HEBP1: variants seen among roughly 807,000 people sequenced by gnomAD.
HEBP1 encodes the protein heme-binding protein 1.
A neutral mutation model predicts 20.4 loss-of-function variants in HEBP1; 13 were observed. The ratio of observed to expected loss-of-function variants is 0.64; its 90% CI spans 0.42 to 1.01. The LOEUF is 1.01. HEBP1 is among the 50% of genes least tolerant of loss of function. HEBP1 has a pLI of 0.00. For synonymous variants in HEBP1, 92 were observed against 90.7 expected (o/e 1.01, Z -0.08); for missense variants, 241 against 247.3 (o/e 0.97, Z 0.17).
In HEBP1 at chr12:12,989,322, C is replaced by T; in HGVS notation, c.172G>A (p.Ala58Thr). Residue 58 changes from alanine (A) to threonine (T), a missense_variant, in exon 2 of 4, where the codon GCA becomes ACA. Transcript: ENST00000014930. ...DKPVDEALRE[A>T]MPKVAKYAGG... ...GCATACTTTGCGACCTTGGGCATTG[C>T]TTCCCGTAGAGCCTCATCCACAGGC... 6.2e-7 allele frequency: 1 copy of T among 1,614,218 alleles called. No individual in the cohort carries two copies.
Position 12,986,414 on chromosome 12 carries a change from G to C in HEBP1, c.398+738C>G, listed in dbSNP as rs1435755068. On this transcript the variant is annotated intron_variant, in intron 3 of 3. Transcript: ENST00000014930. The surrounding 1 kb of genome is among the most constrained non-coding windows in gnomAD (Gnocchi z 4.3). ...GTGAATTTTTCATGAGGTTGCTCCTGAGCGGAGCCAAACCACCTATGATTA... is the reference window on the plus strand; with the variant it reads ...GTGAATTTTTCATGAGGTTGCTCCTCAGCGGAGCCAAACCACCTATGATTA... 1 of 152,248 alleles carries C rather than the reference G, an allele frequency of 6.6e-6. No individual in the cohort carries two copies. Among genetic ancestry groups the C allele is most frequent in the Non-Finnish European group, 1.5e-5 (1 of 68,060 alleles). The allele number at this position is 152,248 out of a possible 1,614,324, so 9.4% of individuals were successfully genotyped here. A position where few individuals can be genotyped will look rare whatever the true frequency, so the allele number is the denominator to read the frequency against.
intron 1 of HEBP1, among the ~76,000 whole-genome samples, chr12:12,990,851 T>C (rs1310160229): frequency 2.0e-5 from 3 of 152,280 alleles, no homozygotes; most frequent in South Asian, 2.1e-4. Flanking sequence ...TTCCAGACCC[T>C]GTACTCGATG....
At chr12:12,975,534 GGGGATCTTTAGAA>G (rs1393992637) in intron 3 of HEBP1, 55 bp from the exon 4 acceptor site, 1 of 1,491,852 alleles carries the variant, frequency 6.7e-7, no homozygotes, top group Non-Finnish European at 9.1e-7. Context: ...CTGAGAGAGG[GGGGATCTTTAGAA>G]AAAAGTCACT....
At chr12:12,975,584 TA>T in intron 3 of HEBP1, 105 bp from the exon 4 acceptor site, 1 of 984,370 alleles carries the variant, frequency 1.0e-6, no homozygotes, top group Non-Finnish European at 1.5e-6. Flanking sequence ...ACAAGCATGC[TA>T]GAGTGGTAAG....
rs1864189050 is a variant in HEBP1, at chr12:12,989,301, A to G, written c.193T>C (p.Tyr65His). 1 of 1,614,088 alleles carries G rather than the reference A, an allele frequency of 6.2e-7. No individual in the cohort carries two copies. Among genetic ancestry groups the G allele is most frequent in the East Asian group, 2.2e-5 (1 of 44,876 alleles). The change falls in exon 2 of 4, where the codon TAT becomes CAT. Residue 65 changes from tyrosine (Y) to histidine (H), a missense_variant. Tyr to His is a moderately conservative substitution (Grantham distance 83). Coordinates refer to ENST00000014930, the MANE Select transcript of HEBP1 (RefSeq NM_015987.5). ...LREAMPKVAK[Y>H]AGGTNDKGIG... Reference sequence around the variant, plus strand: ...CCCTTGTCATTGGTGCCCCCCGCATACTTTGCGACCTTGGGCATTGCTTCC... The same window carrying G: ...CCCTTGTCATTGGTGCCCCCCGCATGCTTTGCGACCTTGGGCATTGCTTCC...
At chr12:12,999,855 C>A (rs988642903) in intron 1 of HEBP1, among the ~76,000 whole-genome samples, 182 bp downstream of exon 1, 2 of 152,246 alleles carry the variant, frequency 1.3e-5, no homozygotes, top group African/African-American at 4.8e-5. Flanking sequence ...GGGGACCTCT[C>A]ACTCCTTTCC....
intron 3 of HEBP1, among the ~76,000 whole-genome samples, chr12:12,976,629 G>A (rs1863992354): frequency 6.6e-6 from 1 of 152,236 alleles, no homozygotes. Flanking sequence ...CATGTGGATT[G>A]CAGCATCACT....
At chr12:12,983,840 G>A in intron 3 of HEBP1, 1 of 452,924 alleles carries the variant, frequency 2.2e-6, no homozygotes, top group Non-Finnish European at 4.4e-6. Context: ...TTAGAGAAAT[G>A]GCTAATTCTA....
rs926606349 is a variant in HEBP1 at position 13,000,178 on chromosome 12, C to A, written c.-64G>T. ...AGGTGGCGGGGGCGACGGAGCACCA[C>A]GGGCAGCGACCACCGGCGGCAGGGC... On this transcript the variant is annotated 5_prime_UTR_variant, in exon 1 of 4. Coordinates refer to ENST00000014930, the MANE Select transcript of HEBP1 (RefSeq NM_015987.5). 8.8e-5 allele frequency: 80 copies of A among 913,806 alleles called. No individual in the cohort carries two copies. Among genetic ancestry groups the A allele is most frequent in the Non-Finnish European group, 1.2e-4 (76 of 621,368 alleles). 56.6% of individuals were successfully genotyped at this position (913,806 alleles called of 1,614,324 possible). A position where few individuals can be genotyped will look rare whatever the true frequency, so the allele number is the denominator to read the frequency against.
At chr12:12,987,024 T>C in intron 3 of HEBP1, 128 bp downstream of exon 3, 1 of 738,338 alleles carries the variant, frequency 1.4e-6, no homozygotes, top group South Asian at 1.8e-5. Flanking sequence ...CTGTTAGGAT[T>C]CAGCATTTCC....
intron 3 of HEBP1, among the ~76,000 whole-genome samples, chr12:12,982,651 C>T (rs570265540): frequency 1.3e-5 from 2 of 152,258 alleles, no homozygotes; most frequent in East Asian, 1.9e-4. Context: ...ACAATGAAAC[C>T]GGCCTTTGCA....
chr12:12,985,788 A>T (rs1864144919), intron 3 of HEBP1: 1 of 152,218 alleles, frequency 6.6e-6, no homozygotes, highest in South Asian at 2.1e-4. Context: ...TTATATTATC[A>T]GCACTTAACA....
At chr12:12,987,698 G>A (rs976883655) in intron 2 of HEBP1, among the ~76,000 whole-genome samples, 8 of 148,862 alleles carry the variant, frequency 5.4e-5, no homozygotes, top group South Asian at 2.1e-4. Flanking sequence ...GCATGATCTC[G>A]GCTTACTGTA....
intron 1 of HEBP1, among the ~76,000 whole-genome samples, chr12:12,991,807 A>G (rs1014697200): frequency 2.0e-5 from 3 of 151,808 alleles, no homozygotes; most frequent in East Asian, 3.9e-4. Flanking sequence ...CTTCTCTTCT[A>G]CTCTACTGGA....
chr12:12,987,612 T>TCTCTTTCTC (rs1230851526), intron 2 of HEBP1, among the ~76,000 whole-genome samples: 1,995 of 117,732 alleles, frequency 0.017, 25 homozygotes, highest in African/African-American at 0.033. Context: ...CTCTCTCTCT[T>TCTCTTTCTC]TCTCTCTCTC....
chr12:12,992,578 G>A (rs556970749), intron 1 of HEBP1, among the ~76,000 whole-genome samples: 3 of 152,238 alleles, frequency 2.0e-5, no homozygotes, highest in East Asian at 1.9e-4. Flanking sequence ...AGGAAATTGC[G>A]CCAGACCAGG....
Position 12,998,003 on chromosome 12 carries a change from G to A in HEBP1, c.78+2034C>T, listed in dbSNP as rs867388407. 1.3e-5 allele frequency among the ~76,000 whole-genome samples: 2 copies of A among 152,216 alleles called. No homozygotes were observed. The highest frequency in any genetic ancestry group is 2.4e-5 in the African/African-American group (1 of 41,540). ...CAGCTCTCTGTGTTGGCTTGGGTGG[G>A]TCCTTTGGATGCTCACAGCAGGACT... is the stretch of plus-strand genomic sequence containing the variant. On this transcript the variant is annotated intron_variant, in intron 1 of 3. Transcript: ENST00000014930. This position sits in a 1 kb window ranked among gnomAD's most constrained non-coding sequence, Gnocchi z 4.2.
rs754284050 is a variant in HEBP1, at chr12:12,989,405, G to A, written c.89C>T (p.Ala30Val). ...VLSKGDKEEV[A>V]YEERACEGGK... The stretch of plus-strand genomic sequence containing the variant: ...GCCTTCACAGGCCCTTTCTTCATAG[G>A]CAACTTCTTCCTAGAGAGAGAGAAG... The change falls in exon 2 of 4, where the codon GCC (alanine) becomes GTC (valine). Residue 30 changes from alanine (A) to valine (V), a missense_variant. Physicochemically the swap from Ala to Val is moderately conservative, Grantham distance 64. Coordinates refer to ENST00000014930, the MANE Select transcript of HEBP1 (RefSeq NM_015987.5). 2.5e-6 allele frequency: 4 copies of A among 1,614,130 alleles called. No homozygotes were observed. The highest frequency in any genetic ancestry group is 1.7e-5 in the Admixed American group (1 of 60,014).
At chr12:12,997,562 A>G (rs1264404580) in intron 1 of HEBP1, among the ~76,000 whole-genome samples, 2 of 151,990 alleles carry the variant, frequency 1.3e-5, no homozygotes, top group Admixed American at 6.6e-5. Flanking sequence ...GAGGAGAAAT[A>G]CTCTGGTTTC....
Sources: gnomAD v4.1 joint callset for allele counts (sites outside exome capture counted in the v4.1 genomes callset) on GRCh38, gnomAD v4.1.1 for gene constraint, Gnocchi (gnomAD v3.1) non-coding constraint, MANE v1.5 for transcripts, NCBI Gene and HGNC (gene_info 2026-07-23, HGNC 2026-07-21) for gene names.